MTHFD2L: variants seen among roughly 807,000 people sequenced by gnomAD.
The protein encoded by MTHFD2L is methylenetetrahydrofolate dehydrogenase (NADP+ dependent) 2 like.
In MTHFD2L, 29 loss-of-function variants were observed where a neutral mutation model predicts 34.9. The observed-to-expected ratio is 0.83, with a 90% CI of 0.62 to 1.13. The LOEUF is 1.13. Ranked by LOEUF, MTHFD2L falls within the 50% of genes most tolerant of loss-of-function variation. The pLI, the probability that MTHFD2L is intolerant of heterozygous loss-of-function variation, is 0.00. For synonymous variants in MTHFD2L, 167 were observed against 155.7 expected (o/e 1.07, Z -0.54); for missense variants, 481 against 446.5 (o/e 1.08, Z -0.70).
intron 3 of MTHFD2L, among the ~76,000 whole-genome samples, chr4:74,177,941 G>A (rs1578361530): frequency 6.6e-6 from 1 of 151,936 alleles, no homozygotes; most frequent in African/African-American, 2.4e-5. Flanking sequence ...ATGAAATCCT[G>A]TCATTTGCTA....
At chr4:74,284,349 C>T (rs1747873959) in intron 7 of MTHFD2L, among the ~76,000 whole-genome samples, 1 of 152,106 alleles carries the variant, frequency 6.6e-6, no homozygotes, top group Non-Finnish European at 1.5e-5. Context: ...TTCACCAAGG[C>T]ATAGAAAAGA....
chr4:74,210,506 G>T (rs1473759934), intron 5 of MTHFD2L, among the ~76,000 whole-genome samples: 1 of 152,074 alleles, frequency 6.6e-6, no homozygotes, highest in African/African-American at 2.4e-5. Flanking sequence ...GGTTGTAGAT[G>T]TGTGGTGGTA....
At chr4:74,292,072 G>A (rs1749033876) in intron 7 of MTHFD2L, among the ~76,000 whole-genome samples, 1 of 152,148 alleles carries the variant, frequency 6.6e-6, no homozygotes, top group African/African-American at 2.4e-5. Context: ...TTAACGCTGT[G>A]ATCACAGAAC....
intron 1 of MTHFD2L, among the ~76,000 whole-genome samples, chr4:74,131,756 T>A (rs757818823): frequency 7.9e-5 from 12 of 152,120 alleles, no homozygotes; most frequent in Admixed American, 2.0e-4. Context: ...CCTAAGGAGC[T>A]TCTGCACAGC....
Position 74,242,055 on chromosome 4 carries a change from A to G in MTHFD2L, c.805+16661A>G, listed in dbSNP as rs991189547. Reference sequence around the variant, plus strand: ...AATGTTCTATATCTTAACTGTATCAATGTCAATATCCTGGGTATAATATTG... The same window carrying G: ...AATGTTCTATATCTTAACTGTATCAGTGTCAATATCCTGGGTATAATATTG... On this transcript the variant is annotated intron_variant, in intron 6 of 7. Transcript: ENST00000325278. 7 of 152,440 alleles carry G rather than the reference A, an allele frequency of 4.6e-5. No individual in the cohort carries two copies. In the East Asian group the frequency reaches 9.6e-4, roughly 21 times the overall value. The allele number at this position is 152,440 out of a possible 1,614,324, so 9.4% of individuals were successfully genotyped here. A position where few individuals can be genotyped will look rare whatever the true frequency, so the allele number is the denominator to read the frequency against.
At chr4:74,126,768 TA>T (rs148411974) in intron 1 of MTHFD2L, among the ~76,000 whole-genome samples, 284 of 152,266 alleles carry the variant, frequency 1.9e-3, no homozygotes, top group African/African-American at 6.6e-3. Context: ...GTATACTTTA[TA>T]TTTTTTTATT....
chr4:74,167,808 C>G (rs1291819687), intron 1 of MTHFD2L, among the ~76,000 whole-genome samples: 1 of 152,196 alleles, frequency 6.6e-6, no homozygotes, highest in Non-Finnish European at 1.5e-5. Context: ...TAAAGTAGCT[C>G]ATGCAGAAGT....
intron 7 of MTHFD2L, among the ~76,000 whole-genome samples, chr4:74,301,028 G>T (rs1272910694): frequency 6.6e-6 from 1 of 152,040 alleles, no homozygotes; most frequent in East Asian, 1.9e-4. Context: ...CATATCACTA[G>T]CTGGGAGAAA....
At chr4:74,244,163 G>C (rs1030860556) in intron 6 of MTHFD2L, among the ~76,000 whole-genome samples, 7 of 152,038 alleles carry the variant, frequency 4.6e-5, no homozygotes, top group Middle Eastern at 3.2e-3. Context: ...GGTAGTCTTT[G>C]CTTGGTGGTA....
chr4:74,261,190 C>G (rs769053377), intron 6 of MTHFD2L, among the ~76,000 whole-genome samples: 1 of 151,824 alleles, frequency 6.6e-6, no homozygotes, highest in Non-Finnish European at 1.5e-5. Flanking sequence ...TAAGAGGAGA[C>G]GAGGTGGTGT....
At chr4:74,258,616 T>A (rs1744316742) in intron 6 of MTHFD2L, among the ~76,000 whole-genome samples, 1 of 152,114 alleles carries the variant, frequency 6.6e-6, no homozygotes, top group South Asian at 2.1e-4. Flanking sequence ...CTAGAACAAA[T>A]ATCAGATGTA....
At chr4:74,273,514 A>G (rs1330758350) in intron 6 of MTHFD2L, among the ~76,000 whole-genome samples, 1 of 152,198 alleles carries the variant, frequency 6.6e-6, no homozygotes, top group Non-Finnish European at 1.5e-5. Context: ...TAACAATGCA[A>G]ATCATTGGAC....
At chr4:74,242,669 C>T (rs185854138) in intron 6 of MTHFD2L, among the ~76,000 whole-genome samples, 17 of 152,150 alleles carry the variant, frequency 1.1e-4, no homozygotes, top group Non-Finnish European at 2.2e-4. Flanking sequence ...ATGGCTGCCA[C>T]GATTTTGGAC....
In MTHFD2L at chr4:74,258,502, C is replaced by T. The variant is rs1353296106; in HGVS notation, c.806-22923C>T. Among the ~76,000 whole-genome samples the T allele has an allele frequency of 1.1e-4, 16 of 152,036 alleles. No individual in the cohort carries two copies. In the East Asian group the frequency reaches 2.1e-3, roughly 20 times the overall value. ...TTTAACCAAATGAAGATTGAAAATA[C>T]GGTATTCTTGGATGTGAAACCAACA... On this transcript the variant is annotated intron_variant, in intron 6 of 7. Coordinates refer to ENST00000325278, the MANE Select transcript of MTHFD2L (RefSeq NM_001144978.3).
At chr4:74,270,303 A>G (rs1745797431) in intron 6 of MTHFD2L, among the ~76,000 whole-genome samples, 3 of 151,834 alleles carry the variant, frequency 2.0e-5, no homozygotes, top group Admixed American at 6.6e-5. Flanking sequence ...TATATCTCAT[A>G]ATGTTTTCCC....
At chr4:74,219,113 T>C (rs1053216678) in intron 5 of MTHFD2L, among the ~76,000 whole-genome samples, 7 of 152,104 alleles carry the variant, frequency 4.6e-5, no homozygotes, top group Non-Finnish European at 8.8e-5. Flanking sequence ...ATAGGTTATA[T>C]GCAAATACTA....
At chr4:74,126,824 T>G (rs906872739) in intron 1 of MTHFD2L, among the ~76,000 whole-genome samples, 9 of 152,134 alleles carry the variant, frequency 5.9e-5, no homozygotes, top group African/African-American at 1.9e-4. Flanking sequence ...GGGATACTTG[T>G]GATAATCTGA....
At chr4:74,221,765 ACTAT>A (rs2110111543) in intron 5 of MTHFD2L, among the ~76,000 whole-genome samples, 1 of 151,690 alleles carries the variant, frequency 6.6e-6, no homozygotes, top group East Asian at 1.9e-4. Context: ...ATATGGTAAA[ACTAT>A]CATATTATTT....
intron 1 of MTHFD2L, among the ~76,000 whole-genome samples, chr4:74,163,782 T>G (rs565962079): frequency 2.0e-4 from 31 of 152,372 alleles, no homozygotes; most frequent in African/African-American, 7.2e-4. Flanking sequence ...AGATATGCCC[T>G]AAGATATAAA....
Sources: gnomAD v4.1 joint callset for allele counts (sites outside exome capture counted in the v4.1 genomes callset) on GRCh38, gnomAD v4.1.1 for gene constraint, MANE v1.5 for transcripts, NCBI Gene and HGNC (gene_info 2026-07-23, HGNC 2026-07-21) for gene names.